Variants in ARL3 observed in about 807,000 individuals in gnomAD.
The protein encoded by ARL3 is ADP-ribosylation factor-like protein 3.
Under a neutral mutation model 26.0 loss-of-function variants are expected in ARL3, and 9 were observed. That is an observed-to-expected ratio of 0.35 (90% CI 0.21 to 0.60). The LOEUF (loss-of-function observed/expected upper bound fraction) is 0.60, where lower values mean the gene tolerates loss of function less well. Ranked by LOEUF, ARL3 falls within the 20% of genes least tolerant of loss-of-function variation. The pLI is 0.78. For synonymous variants in ARL3, 71 were observed against 78.4 expected (o/e 0.91, Z 0.50); for missense variants, 158 against 215.7 (o/e 0.73, Z 1.67).
At chr10:102,703,325 T>G (rs2064290202) in intron 2 of ARL3, among the ~76,000 whole-genome samples, 1 of 151,362 alleles carries the variant, frequency 6.6e-6, no homozygotes, top group Admixed American at 6.6e-5. Context: ...TTTCACCATG[T>G]TGTCCAGGAT....
chr10:102,684,817 T>G (rs867290775), intron 5 of ARL3, among the ~76,000 whole-genome samples: 1 of 151,818 alleles, frequency 6.6e-6, no homozygotes. Context: ...TTTTTTTGTA[T>G]TTTTAGTAGA....
chr10:102,685,768 C>T (rs200385017), intron 5 of ARL3, 48 bp downstream of exon 5: 5 of 1,532,310 alleles, frequency 3.3e-6, no homozygotes, highest in Admixed American at 4.0e-5. Flanking sequence ...CAGACCACCT[C>T]GGTTAGCTGT....
Position 102,675,984 on chromosome 10 carries a change from T to C in ARL3, c.*910A>G, listed in dbSNP as rs1227832179. The stretch of plus-strand genomic sequence containing the variant: ...CTTTGAGCTTTAGAAATCCTGTCTA[T>C]AGGACGGCCGTGGAGAAGCCAGCTA... On this transcript the variant is annotated 3_prime_UTR_variant, in exon 6 of 6. Coordinates refer to ENST00000260746, the MANE Select transcript of ARL3 (RefSeq NM_004311.4). The C allele has an allele frequency of 2.0e-5, 3 of 152,622 alleles. No individual in the cohort carries two copies. The highest frequency in any genetic ancestry group is 2.0e-4 in the Admixed American group (3 of 15,286). 9.5% of individuals were successfully genotyped at this position (152,622 alleles called of 1,614,324 possible).
rs192816508 is a variant in ARL3 at position 102,700,964 on chromosome 10, C to T, written c.148-1475G>A. 2.7e-3 allele frequency among the ~76,000 whole-genome samples: 406 copies of T among 151,808 alleles called. 3 individuals carry two copies. The highest frequency in any genetic ancestry group is 9.3e-3 in the African/African-American group (385 of 41,370). On this transcript the variant is annotated intron_variant, in intron 2 of 5. Coordinates refer to ENST00000260746, the MANE Select transcript of ARL3 (RefSeq NM_004311.4). ...GTTGGTCAGGCTGGTCTTGAACTCC[C>T]GACCTCAGGTGATCCGCCCGCCTCA...
chr10:102,693,710 T>A (rs1166499872), intron 3 of ARL3, among the ~76,000 whole-genome samples: 1 of 152,192 alleles, frequency 6.6e-6, no homozygotes, highest in African/African-American at 2.4e-5. Context: ...AGTCTCACTC[T>A]GTCACCCAGA....
At chr10:102,706,115 T>C (rs939526806) in intron 1 of ARL3, among the ~76,000 whole-genome samples, 9 of 152,086 alleles carry the variant, frequency 5.9e-5, no homozygotes, top group African/African-American at 2.2e-4. Context: ...TATAAATATA[T>C]AACACCATGG....
At chr10:102,677,174 C>T (rs112038628) in intron 5 of ARL3, among the ~76,000 whole-genome samples, 4 of 152,250 alleles carry the variant, frequency 2.6e-5, no homozygotes, top group South Asian at 2.1e-4. Flanking sequence ...GGATGCCCAG[C>T]GCCTGAACTT....
At chr10:102,713,608 ATCC>A (rs2064360704) in intron 1 of ARL3, among the ~76,000 whole-genome samples, 1 of 152,188 alleles carries the variant, frequency 6.6e-6, no homozygotes, top group African/African-American at 2.4e-5. Flanking sequence ...CAACAATCAG[ATCC>A]TGCAAAACTC....
At chr10:102,700,606 A>G (rs2064274778) in intron 2 of ARL3, among the ~76,000 whole-genome samples, 2 of 150,952 alleles carry the variant, frequency 1.3e-5, no homozygotes, top group Non-Finnish European at 1.5e-5. Context: ...CTGGAATTAC[A>G]GGCGCCTGCC....
At chr10:102,699,981 G>C (rs1222659163) in intron 2 of ARL3, among the ~76,000 whole-genome samples, 3 of 152,216 alleles carry the variant, frequency 2.0e-5, no homozygotes, top group Non-Finnish European at 4.4e-5. Flanking sequence ...ATTTCCTACA[G>C]GGATTAATCA....
At chr10:102,711,618 G>A (rs928566089) in intron 1 of ARL3, among the ~76,000 whole-genome samples, 1 of 152,068 alleles carries the variant, frequency 6.6e-6, no homozygotes, top group Admixed American at 6.6e-5. Context: ...TTAGCCGGGC[G>A]TGGTGGCGGG....
At chr10:102,687,125 C>T (rs559493744) in intron 4 of ARL3, among the ~76,000 whole-genome samples, 11 of 151,700 alleles carry the variant, frequency 7.3e-5, no homozygotes, top group South Asian at 4.2e-4. Flanking sequence ...ATCCACCCCC[C>T]ACCTTGGCCT....
At chr10:102,708,908 A>ATATATATATATATATATATATTTTTTTTT in intron 1 of ARL3, among the ~76,000 whole-genome samples, 1 of 95,350 alleles carries the variant, frequency 1.0e-5, no homozygotes, top group African/African-American at 4.2e-5. Flanking sequence ...ATATATATAT[A>ATATATATATATATATATATATTTTTTTTT]TTTTTTTTTT....
intron 1 of ARL3, among the ~76,000 whole-genome samples, chr10:102,707,197 C>A (rs2064314698): frequency 6.6e-6 from 1 of 151,880 alleles, no homozygotes; most frequent in Non-Finnish European, 1.5e-5. Flanking sequence ...ACTCAGGAAG[C>A]TGAGGTGAGA....
chr10:102,706,684 C>A (rs1198924218), intron 1 of ARL3, among the ~76,000 whole-genome samples: 1 of 151,890 alleles, frequency 6.6e-6, no homozygotes, highest in African/African-American at 2.4e-5. Context: ...GAATTTTTTA[C>A]TGTTAATCTA....
chr10:102,711,156 T>C (rs2064336677), intron 1 of ARL3, among the ~76,000 whole-genome samples: 1 of 152,144 alleles, frequency 6.6e-6, no homozygotes, highest in Non-Finnish European at 1.5e-5. Flanking sequence ...CCAAACTGTG[T>C]CTTCTTTCTC....
intron 2 of ARL3, among the ~76,000 whole-genome samples, chr10:102,700,764 G>A (rs910709441): frequency 1.4e-5 from 2 of 144,610 alleles, no homozygotes; most frequent in African/African-American, 5.0e-5. Context: ...GTGCCCAGCC[G>A]GAAGTCTTTT....
At chr10:102,704,306 A>G (rs944277236) in intron 2 of ARL3, among the ~76,000 whole-genome samples, 3 of 151,922 alleles carry the variant, frequency 2.0e-5, no homozygotes, top group Admixed American at 6.6e-5. Flanking sequence ...TGTTTTCTAC[A>G]TGCACTACTT....
intron 4 of ARL3, among the ~76,000 whole-genome samples, chr10:102,689,256 T>C (rs112766449): frequency 0.12 from 18,687 of 151,004 alleles, 1,468 homozygotes; most frequent in Middle Eastern, 0.19. Context: ...ACCTGGGAGG[T>C]TGAAGTTGCA....
Sources: gnomAD v4.1 joint callset for allele counts (sites outside exome capture counted in the v4.1 genomes callset) on GRCh38, gnomAD v4.1.1 for gene constraint, MANE v1.5 for transcripts, NCBI Gene and HGNC (gene_info 2026-07-23, HGNC 2026-07-21) for gene names.